Variants in ANO3 observed in about 807,000 individuals in gnomAD.
ANO3 encodes the protein anoctamin-3.
A neutral mutation model predicts 144.8 loss-of-function variants in ANO3; 99 were observed. The observed-to-expected ratio is 0.68, with a 90% CI of 0.58 to 0.81. The LOEUF (loss-of-function observed/expected upper bound fraction) is 0.81. ANO3 is among the 30% of genes least tolerant of loss of function. The probability of loss-of-function intolerance (pLI) is 0.00; values close to 1 mark genes in which losing one functional copy is unlikely to be tolerated. For missense variants in ANO3, 905 were observed against 1,202.2 expected (o/e 0.75, Z 3.66); for synonymous variants, 414 against 392.6 (o/e 1.05, Z -0.64).
intron 5 of ANO3, among the ~76,000 whole-genome samples, chr11:26,514,502 A>G (rs1262728886): frequency 6.6e-6 from 1 of 152,046 alleles, no homozygotes; most frequent in Non-Finnish European, 1.5e-5. Context: ...GGGTTAAATA[A>G]TTTTTCTAAG....
rs74935993 is a variant in ANO3, at chr11:26,640,869, A to G, written c.2142-1027A>G. Among the ~76,000 whole-genome samples, 339 of 152,278 alleles carry G rather than the reference A, an allele frequency of 2.2e-3. 10 individuals are homozygous for G. The East Asian group carries it at 0.057, about 26-fold the overall frequency. ...AACTTTAAACAGAACCTAAATACATATAATAGAAATAAGCAGATCGCCTCA... is the reference window on the plus strand; with the variant it reads ...AACTTTAAACAGAACCTAAATACATGTAATAGAAATAAGCAGATCGCCTCA... On this transcript the variant is annotated intron_variant, in intron 21 of 26. Coordinates refer to ENST00000256737, the MANE Select transcript of ANO3 (RefSeq NM_031418.4).
intron 5 of ANO3, among the ~76,000 whole-genome samples, chr11:26,514,454 T>C (rs1218930249): frequency 6.6e-6 from 1 of 152,132 alleles, no homozygotes; most frequent in African/African-American, 2.4e-5. Context: ...CAGAGATAAT[T>C]TTCTTCATTT....
At chr11:26,298,538 T>C (rs1294468399) in intron 1 of ANO3, among the ~76,000 whole-genome samples, 2 of 152,168 alleles carry the variant, frequency 1.3e-5, no homozygotes, top group Non-Finnish European at 2.9e-5. Context: ...TTTCAAATAA[T>C]TATTCTGAGT....
At chr11:26,589,992 A>G (rs1359181463) in intron 14 of ANO3, among the ~76,000 whole-genome samples, 1 of 152,204 alleles carries the variant, frequency 6.6e-6, no homozygotes, top group South Asian at 2.1e-4. Context: ...AGAAGCTGAT[A>G]AGAGGATCTA....
At chr11:26,495,874 A>T (rs1860916658) in intron 4 of ANO3, among the ~76,000 whole-genome samples, 1 of 152,186 alleles carries the variant, frequency 6.6e-6, no homozygotes, top group Non-Finnish European at 1.5e-5. Context: ...GAGAACAATT[A>T]ATAGTTTGGA....
chr11:26,292,258 A>T (rs559810288), intron 1 of ANO3, among the ~76,000 whole-genome samples: 1 of 152,232 alleles, frequency 6.6e-6, no homozygotes, highest in African/African-American at 2.4e-5. Flanking sequence ...TTTCAGCTCC[A>T]TCAGGTCATT....
At chr11:26,246,787 T>C (rs1422961871) in intron 1 of ANO3, among the ~76,000 whole-genome samples, 1 of 151,990 alleles carries the variant, frequency 6.6e-6, no homozygotes, top group Non-Finnish European at 1.5e-5. Context: ...ATAAGTTTCA[T>C]GAGATCTGAT....
rs1172202506 is a variant in ANO3, at chr11:26,641,878, G to A, written c.2142-18G>A. The A allele has an allele frequency of 1.2e-6, 2 of 1,612,006 alleles. No individual in the cohort carries two copies. Among genetic ancestry groups the A allele is most frequent in the African/African-American group, 2.7e-5 (2 of 74,750 alleles). On this transcript the variant is annotated intron_variant, in intron 21 of 26. Coordinates refer to ENST00000256737, the MANE Select transcript of ANO3 (RefSeq NM_031418.4). ...TTGAATCAGAGCTCAAAAGTCCTTG[G>A]TCTGCTCTGTGATGTAGGTTGATCC... is the stretch of plus-strand genomic sequence containing the variant.
At chr11:26,559,144 A>C (rs976400923) in intron 13 of ANO3, 1 of 152,260 alleles carries the variant, frequency 6.6e-6, no homozygotes, top group African/African-American at 2.4e-5. Flanking sequence ...TCTGATTAAA[A>C]AACACTTTGT....
chr11:26,321,606 C>T (rs1033997785), intron 1 of ANO3, among the ~76,000 whole-genome samples: 7 of 151,900 alleles, frequency 4.6e-5, no homozygotes, highest in Non-Finnish European at 1.0e-4. Flanking sequence ...CAAATGTCTT[C>T]CTACACTCAA....
chr11:26,656,403 G>A lies in ANO3; in HGVS notation c.2685G>A (p.Trp895Ter), dbSNP rs1853690646. 3 of 1,609,020 alleles carry A rather than the reference G, an allele frequency of 1.9e-6. No individual in the cohort carries two copies. In the East Asian group the frequency reaches 6.7e-5, roughly 36 times the overall value. Reference protein sequence around the residue: ...CRYRDYRGPPWSSKPYEFTLQ... With the variant: ...CRYRDYRGPP ...ACAGAGACTACAGAGGCCCGCCCTG[G>A]AGTTCCAAACCCTATGAGTTTACTT... The change falls in exon 26 of 27, where the codon TGG becomes TGA. Residue 895 changes from tryptophan to a stop codon, truncating the protein, a stop_gained. Coordinates refer to ENST00000256737, the MANE Select transcript of ANO3 (RefSeq NM_031418.4). LOFTEE classifies it high-confidence loss of function.
At chr11:26,615,414 A>ATATATATATTTT (rs1352935016) in intron 17 of ANO3, among the ~76,000 whole-genome samples, 3,603 of 130,076 alleles carry the variant, frequency 0.028, 60 homozygotes, top group Non-Finnish European at 0.036. Flanking sequence ...ATATATATAT[A>ATATATATATTTT]TTTTTTTTTT....
chr11:26,317,501 T>G (rs1037138629), intron 1 of ANO3, among the ~76,000 whole-genome samples: 22 of 151,344 alleles, frequency 1.5e-4, no homozygotes, highest in African/African-American at 5.3e-4. Flanking sequence ...CCAACAAACA[T>G]GAAAAAAGCT....
At chr11:26,333,446 T>A (rs1855111514) in intron 1 of ANO3, among the ~76,000 whole-genome samples, 1 of 152,068 alleles carries the variant, frequency 6.6e-6, no homozygotes, top group African/African-American at 2.4e-5. Context: ...CAAGCCCAGC[T>A]AATTTTTTTG....
chr11:26,360,148 G>GTTTTTTTTTTTTTTTTT (rs5790574), intron 1 of ANO3, among the ~76,000 whole-genome samples: 1 of 135,972 alleles, frequency 7.4e-6, no homozygotes. Context: ...CTTTTTATAA[G>GTTTTTTTTTTTTTTTTT]TTTTTTTTTC....
At chr11:26,452,140 G>C (rs904374536) in intron 3 of ANO3, among the ~76,000 whole-genome samples, 6 of 152,168 alleles carry the variant, frequency 3.9e-5, no homozygotes, top group Admixed American at 2.6e-4. Context: ...GGAAAAAACA[G>C]AGCAGAAAAA....
chr11:26,327,506 A>G (rs1854915067), upstream of ANO3, among the ~76,000 whole-genome samples: 1 of 152,134 alleles, frequency 6.6e-6, no homozygotes, highest in South Asian at 2.1e-4. Context: ...CCCAGTGGAG[A>G]AAACAGCAGC....
chr11:26,284,119 T>A (rs79353428), intron 1 of ANO3, among the ~76,000 whole-genome samples: 9,082 of 152,104 alleles, frequency 0.06, 492 homozygotes, highest in African/African-American at 0.14. Flanking sequence ...GTGCTCTAAG[T>A]GCAGTGGGAA....
chr11:26,310,582 C>T (rs1241137225), intron 1 of ANO3, among the ~76,000 whole-genome samples: 9 of 152,144 alleles, frequency 5.9e-5, no homozygotes, highest in African/African-American at 2.2e-4. Flanking sequence ...GACTGACTCG[C>T]CTTGCCTTGA....
Sources: allele counts gnomAD v4.1 joint callset (sites outside exome capture counted in the v4.1 genomes callset), GRCh38; gene constraint gnomAD v4.1.1; transcripts MANE v1.5; gene names NCBI Gene and HGNC (gene_info 2026-07-23, HGNC 2026-07-21).